The following ANKS3 variants were observed in gnomAD, a reference collection of about 807,000 sequenced individuals.
The protein encoded by ANKS3 is ankyrin repeat and sterile alpha motif domain containing 3.
ANKS3 carries 62 observed loss-of-function variants against 80.7 expected under a neutral mutation model. The ratio of observed to expected loss-of-function variants is 0.77; its 90% CI spans 0.63 to 0.95. The LOEUF is 0.95. Ranked by LOEUF, ANKS3 falls within the 40% of genes least tolerant of loss-of-function variation. The probability of loss-of-function intolerance (pLI) is 0.00; values close to 1 mark genes in which losing one functional copy is unlikely to be tolerated. For synonymous variants in ANKS3, 489 were observed against 355.3 expected, an observed-to-expected ratio of 1.38 and a Z score of -4.23; for missense variants, 1,150 against 883.6, an observed-to-expected ratio of 1.30 and a Z score of -3.82.
intron 3 of ANKS3, 115 bp from the exon 4 acceptor site, chr16:4,727,292 T>TAG (rs1228382852): frequency 1.9e-6 from 2 of 1,057,774 alleles, no homozygotes; most frequent in Non-Finnish European, 2.8e-6. Context: ...AGAAGTTATC[T>TAG]GCCACCCTGG....
At chr16:4,698,144 G>A in intron 14 of ANKS3, 82 bp from the exon 15 acceptor site, 1 of 1,441,892 alleles carries the variant, frequency 6.9e-7, no homozygotes. Context: ...CTAGGGGAGG[G>A]AGGGGCTCAG....
rs1313618722 is a variant in ANKS3 at position 4,697,043 on chromosome 16, C to T, written c.1956G>A (p.Lys652=). The T allele has an allele frequency of 1.4e-5, 23 of 1,613,740 alleles. No individual in the cohort carries two copies. Among genetic ancestry groups the T allele is most frequent in the Non-Finnish European group, 1.9e-5 (23 of 1,179,982 alleles). The change falls in exon 17 of 18, where the codon AAG becomes AAA. Residue 652 remains lysine (K), a synonymous_variant. Transcript: ENST00000304283. ...LEKLQVLNGK[K]WRET is the part of the protein sequence containing the mutation. ...GGCCCGCAGGCTAGGTCTCCCGCCA[C>T]TTCTTCCCGTTCAGCACCTGCAGCT...
intron 7 of ANKS3, among the ~76,000 whole-genome samples, chr16:4,711,952 T>TATAG (rs1350767929): frequency 6.6e-6 from 1 of 152,196 alleles, no homozygotes; most frequent in Non-Finnish European, 1.5e-5. Context: ...TCAAAACTTC[T>TATAG]AAGACCAGGT....
In ANKS3 at chr16:4,734,027, T is replaced by A; in HGVS notation, c.-160A>T. 1.0e-6 allele frequency: 1 copy of A among 985,004 alleles called. No individual in the cohort carries two copies. The highest frequency in any genetic ancestry group is 1.2e-6 in the Non-Finnish European group (1 of 829,616). The allele number at this position is 985,004 out of a possible 1,614,324, so 61.0% of individuals were successfully genotyped here. On this transcript the variant is annotated 5_prime_UTR_variant, in exon 1 of 18. An upstream start codon of the reference 5' UTR is lost. Coordinates refer to ENST00000304283, the MANE Select transcript of ANKS3 (RefSeq NM_133450.4). The stretch of plus-strand genomic sequence containing the variant: ...TTACTGTGCCCCCACCACAACCACA[T>A]AAAGAAAATGTGGGGGCTCGGTCCT...
At chr16:4,724,722 T>A in intron 6 of ANKS3, 28 bp downstream of exon 6, 1 of 1,602,082 alleles carries the variant, frequency 6.2e-7, no homozygotes, top group South Asian at 1.1e-5. Context: ...CGTGACTACA[T>A]TACATGCTAA....
intron 7 of ANKS3, among the ~76,000 whole-genome samples, chr16:4,712,747 G>A (rs562770886): frequency 5.9e-5 from 9 of 152,276 alleles, no homozygotes; most frequent in African/African-American, 1.7e-4. Context: ...TCAGGACCAA[G>A]GTAAGGAGGC....
chr16:4,705,523 T>C (rs2080136926), intron 7 of ANKS3, among the ~76,000 whole-genome samples: 1 of 152,226 alleles, frequency 6.6e-6, no homozygotes, highest in East Asian at 1.9e-4. Flanking sequence ...TGTAATGGCA[T>C]GATCTTGGCT....
At chr16:4,721,918 G>A (rs955111611) in intron 6 of ANKS3, among the ~76,000 whole-genome samples, 29 of 149,548 alleles carry the variant, frequency 1.9e-4, no homozygotes, top group African/African-American at 7.3e-4. Context: ...TTACAGGAGC[G>A]AGACAATGCA....
intron 13 of ANKS3, 89 bp downstream of exon 13, chr16:4,698,711 C>A: frequency 6.5e-7 from 1 of 1,540,730 alleles, no homozygotes. Context: ...TCCACCTGAC[C>A]CCTCCACACA....
intron 11 of ANKS3, 155 bp downstream of exon 11, chr16:4,700,815 G>A (rs755124338): frequency 1.9e-5 from 19 of 1,003,566 alleles, no homozygotes; most frequent in Middle Eastern, 2.0e-4. Flanking sequence ...CCATGGAGCC[G>A]GCTGTGAGCC....
At chr16:4,714,978 G>A in intron 6 of ANKS3, among the ~76,000 whole-genome samples, 1 of 104,068 alleles carries the variant, frequency 9.6e-6, no homozygotes, top group African/African-American at 4.3e-5. Context: ...AAGACAGAGT[G>A]AGACTCTGTC....
intron 6 of ANKS3, among the ~76,000 whole-genome samples, chr16:4,715,259 G>C (rs369821895): frequency 1.3e-4 from 20 of 152,142 alleles, no homozygotes; most frequent in East Asian, 7.7e-4. Context: ...GGGCAACACA[G>C]CATGAACCCA....
At chr16:4,708,738 T>C (rs2080332413) in intron 7 of ANKS3, among the ~76,000 whole-genome samples, 1 of 151,272 alleles carries the variant, frequency 6.6e-6, no homozygotes, top group Admixed American at 6.6e-5. Flanking sequence ...ATCGAGACCA[T>C]CCTGGCTAAC....
At chr16:4,701,917 G>A (rs1046659815) in intron 9 of ANKS3, 185 bp downstream of exon 9, 14 of 728,828 alleles carry the variant, frequency 1.9e-5, no homozygotes, top group South Asian at 1.2e-4. Flanking sequence ...TAAGCCGCAC[G>A]GGGATGCTGG....
chr16:4,727,048 TG>T lies in ANKS3; in HGVS notation c.299del (p.Pro100GlnfsTer7). ...CCAGCATCAGTGGAGTCTGCCCTTC[TG>T]GGGTCGGCACATTCACACTCACCCC... ...EAGVSVNVPTPEGQTPLMLAS... is the reference protein window; with the variant it reads ...EAGVSVNVPTXEGQTPLMLAS... On this transcript the variant is annotated frameshift_variant, in exon 4 of 18. Coordinates refer to ENST00000304283, the MANE Select transcript of ANKS3 (RefSeq NM_133450.4). LOFTEE classifies it high-confidence loss of function. The T allele has an allele frequency of 6.2e-7, 1 of 1,614,162 alleles. No homozygotes were observed. Among genetic ancestry groups the T allele is most frequent in the South Asian group, 1.1e-5 (1 of 91,078 alleles).
intron 6 of ANKS3, among the ~76,000 whole-genome samples, chr16:4,722,696 T>G (rs963526919): frequency 1.3e-5 from 2 of 151,738 alleles, no homozygotes; most frequent in Admixed American, 6.6e-5. Context: ...GGTGGGTGGA[T>G]TGCCTGAGTT....
At chr16:4,717,604 G>C (rs2080867571) in intron 6 of ANKS3, 1 of 152,074 alleles carries the variant, frequency 6.6e-6, no homozygotes, top group Non-Finnish European at 1.5e-5. Flanking sequence ...GGAACCCTAA[G>C]GTTTAACCAG....
chr16:4,703,038 G>T (rs1484818717), intron 8 of ANKS3, among the ~76,000 whole-genome samples: 2 of 152,134 alleles, frequency 1.3e-5, no homozygotes, highest in African/African-American at 4.8e-5. Flanking sequence ...GGGACCATGG[G>T]GAACTTACTT....
intron 6 of ANKS3, among the ~76,000 whole-genome samples, chr16:4,715,372 G>A (rs539616256): frequency 1.5e-4 from 23 of 152,362 alleles, no homozygotes; most frequent in African/African-American, 5.5e-4. Flanking sequence ...GCAGCTGGGG[G>A]AGGCAGGGAA....
Sources: gnomAD v4.1 joint callset for allele counts (sites outside exome capture counted in the v4.1 genomes callset) on GRCh38, gnomAD v4.1.1 for gene constraint, MANE v1.5 for transcripts, NCBI Gene and HGNC (gene_info 2026-07-23, HGNC 2026-07-21) for gene names.